Variants in CPA6 observed in about 807,000 individuals in gnomAD.
CPA6 encodes carboxypeptidase A6, also known as carboxypeptidase B.
A neutral mutation model predicts 63.3 loss-of-function variants in CPA6; 58 were observed. That is an observed-to-expected ratio of 0.92 (90% CI 0.74 to 1.14). The LOEUF (loss-of-function observed/expected upper bound fraction) is 1.14, where lower values mean the gene tolerates loss of function less well. CPA6 is among the 50% of genes most tolerant of loss of function. The pLI is 0.00. For missense variants in CPA6, 565 were observed against 526.6 expected (o/e 1.07, Z -0.71); for synonymous variants, 185 against 179.0 (o/e 1.03, Z -0.27).
At chr8:67,544,597 C>A (rs1433534490) in intron 2 of CPA6, among the ~76,000 whole-genome samples, 4 of 152,168 alleles carry the variant, frequency 2.6e-5, no homozygotes, top group Non-Finnish European at 5.9e-5. Flanking sequence ...AGTGAACAGT[C>A]CTTCAGGGAC....
intron 1 of CPA6, among the ~76,000 whole-genome samples, chr8:67,738,940 CA>C (rs35191548): frequency 0.07 from 10,581 of 151,908 alleles, 423 homozygotes; most frequent in Non-Finnish European, 0.086. Context: ...TTTACAAAGA[CA>C]AAAAAAATAA....
At chr8:67,460,810 A>G (rs1027253709) in intron 8 of CPA6, among the ~76,000 whole-genome samples, 3 of 152,206 alleles carry the variant, frequency 2.0e-5, no homozygotes, top group Non-Finnish European at 4.4e-5. Context: ...AATGTTTTGA[A>G]TCAGTGTAAA....
intron 1 of CPA6, among the ~76,000 whole-genome samples, chr8:67,734,000 T>C (rs1484665878): frequency 6.6e-6 from 1 of 151,518 alleles, no homozygotes; most frequent in Non-Finnish European, 1.5e-5. Context: ...TTGGCGTCCC[T>C]AGTAGTGGAA....
chr8:67,736,872 G>T (rs1033053911), intron 1 of CPA6, among the ~76,000 whole-genome samples: 1 of 152,156 alleles, frequency 6.6e-6, no homozygotes, highest in Non-Finnish European at 1.5e-5. Context: ...TTCAATTTAC[G>T]CTATTCCCTC....
chr8:67,428,433 T>C (rs1398183011), intron 9 of CPA6, among the ~76,000 whole-genome samples: 1 of 149,642 alleles, frequency 6.7e-6, no homozygotes, highest in African/African-American at 2.5e-5. Flanking sequence ...GTACTCATAT[T>C]TTCTGAGGCT....
At chr8:67,688,557 G>A (rs1305775499) in intron 1 of CPA6, among the ~76,000 whole-genome samples, 1 of 152,124 alleles carries the variant, frequency 6.6e-6, no homozygotes, top group Non-Finnish European at 1.5e-5. Flanking sequence ...TGTTTATCAA[G>A]GGAATCGTAT....
intron 6 of CPA6, among the ~76,000 whole-genome samples, chr8:67,500,889 T>C (rs1285919261): frequency 6.6e-6 from 1 of 151,884 alleles, no homozygotes; most frequent in African/African-American, 2.4e-5. Context: ...TGTGGATCTA[T>C]TTTTGGGTTT....
At chr8:67,552,681 C>G (rs568640058) in intron 2 of CPA6, among the ~76,000 whole-genome samples, 118 of 136,914 alleles carry the variant, frequency 8.6e-4, no homozygotes, top group African/African-American at 2.9e-3. Context: ...GCTGAGGCAG[C>G]AGAATGGCAT....
At chr8:67,488,583 T>C (rs990739994) in intron 6 of CPA6, among the ~76,000 whole-genome samples, 3 of 152,228 alleles carry the variant, frequency 2.0e-5, no homozygotes, top group African/African-American at 7.2e-5. Context: ...TTTCCAATTC[T>C]GTGAAGAAAG....
At chr8:67,585,349 T>C (rs1054908762) in intron 2 of CPA6, among the ~76,000 whole-genome samples, 6 of 152,178 alleles carry the variant, frequency 3.9e-5, no homozygotes, top group Non-Finnish European at 8.8e-5. Flanking sequence ...CAGTAATTGG[T>C]AGGCAAGGGG....
At chr8:67,475,251 T>A (rs1187534418) in intron 8 of CPA6, among the ~76,000 whole-genome samples, 1 of 152,230 alleles carries the variant, frequency 6.6e-6, no homozygotes, top group Non-Finnish European at 1.5e-5. Flanking sequence ...CAAGTGCAGA[T>A]AAGATTGTTT....
chr8:67,713,103 A>G (rs866390360), intron 1 of CPA6, among the ~76,000 whole-genome samples: 3,686 of 72,086 alleles, frequency 0.051, 43 homozygotes, highest in East Asian at 0.12. Flanking sequence ...GTGTGTGTAT[A>G]TATATATATA....
chr8:67,503,697 A>T (rs1010779123), intron 6 of CPA6, among the ~76,000 whole-genome samples: 23 of 152,198 alleles, frequency 1.5e-4, no homozygotes, highest in African/African-American at 5.5e-4. Context: ...TTTATTGTTT[A>T]TTATATGCCA....
intron 1 of CPA6, among the ~76,000 whole-genome samples, chr8:67,659,841 A>G (rs1345591429): frequency 3.3e-5 from 5 of 152,212 alleles, no homozygotes; most frequent in African/African-American, 1.2e-4. Flanking sequence ...TCAAGATGCA[A>G]AGCACATTTT....
intron 8 of CPA6, among the ~76,000 whole-genome samples, chr8:67,472,992 C>T (rs1811097787): frequency 1.3e-5 from 2 of 151,980 alleles, no homozygotes; most frequent in African/African-American, 2.4e-5. Context: ...GCATGTTCTG[C>T]CTAAGGATCA....
intron 2 of CPA6, among the ~76,000 whole-genome samples, chr8:67,610,519 A>G (rs746494897): frequency 3.9e-5 from 6 of 152,250 alleles, no homozygotes; most frequent in Non-Finnish European, 7.3e-5. Context: ...CTAAGATGAA[A>G]CATGCTTAGA....
chr8:67,684,891 G>T (rs764291752), intron 1 of CPA6, among the ~76,000 whole-genome samples: 3 of 152,042 alleles, frequency 2.0e-5, no homozygotes, highest in Non-Finnish European at 4.4e-5. Flanking sequence ...ATCCCATTAG[G>T]TCCATTTAGC....
At chr8:67,612,466 T>C (rs1814833849) in intron 2 of CPA6, among the ~76,000 whole-genome samples, 1 of 152,218 alleles carries the variant, frequency 6.6e-6, no homozygotes, top group Non-Finnish European at 1.5e-5. Context: ...CCCTTATGCT[T>C]CATGCTCTCT....
At chr8:67,572,502 T>G (rs1813510691) in intron 2 of CPA6, among the ~76,000 whole-genome samples, 1 of 152,236 alleles carries the variant, frequency 6.6e-6, no homozygotes, top group Non-Finnish European at 1.5e-5. Context: ...CATGTTGTGA[T>G]GCAGCATGAA....
Sources: allele counts gnomAD v4.1 joint callset (sites outside exome capture counted in the v4.1 genomes callset), GRCh38; gene constraint gnomAD v4.1.1; transcripts MANE v1.5; gene names NCBI Gene and HGNC (gene_info 2026-07-23, HGNC 2026-07-21).